CEP85L: variants seen among roughly 807,000 people sequenced by gnomAD.
CEP85L encodes the protein centrosomal protein 85L, also known as centrosomal protein of 85 kDa-like.
In CEP85L, 60 loss-of-function variants were observed where a neutral mutation model predicts 100.3. The observed-to-expected ratio is 0.60, with a 90% CI of 0.49 to 0.74. The LOEUF is 0.74. Among genes scored for constraint, CEP85L ranks in the 30% least tolerant of loss-of-function variants. The pLI, the probability that CEP85L is intolerant of heterozygous loss-of-function variation, is 0.00. For missense variants in CEP85L, 973 were observed against 936.2 expected (o/e 1.04, Z -0.51); for synonymous variants, 319 against 322.7 (o/e 0.99, Z 0.12).
chr6:118,550,071 GA>G (rs1778451497), intron 3 of CEP85L, among the ~76,000 whole-genome samples: 1 of 151,722 alleles, frequency 6.6e-6, no homozygotes, highest in South Asian at 2.1e-4. Context: ...AAATCAAATG[GA>G]AAAAATATGA....
At chr6:118,540,515 G>A (rs1040497186) in intron 3 of CEP85L, among the ~76,000 whole-genome samples, 1 of 152,082 alleles carries the variant, frequency 6.6e-6, no homozygotes, top group Non-Finnish European at 1.5e-5. Context: ...CCAGCACTTT[G>A]GGAGGCCAAG....
intron 1 of CEP85L, among the ~76,000 whole-genome samples, chr6:118,674,576 T>C (rs1776421965): frequency 6.7e-6 from 1 of 149,122 alleles, no homozygotes; most frequent in Non-Finnish European, 1.5e-5. Flanking sequence ...TATTTGCAAA[T>C]CAAATAACTG....
intron 2 of CEP85L, among the ~76,000 whole-genome samples, chr6:118,569,410 T>C (rs181099655): frequency 3.4e-5 from 5 of 146,160 alleles, no homozygotes; most frequent in Admixed American, 3.4e-4. Flanking sequence ...TGTATACATA[T>C]GTAACAAACC....
chr6:118,628,066 A>G (rs1181337531), intron 2 of CEP85L, among the ~76,000 whole-genome samples: 1 of 152,074 alleles, frequency 6.6e-6, no homozygotes, highest in Non-Finnish European at 1.5e-5. Context: ...CCCTCCCCAC[A>G]CACCTTACCA....
chr6:118,655,890 A>G (rs1174312453), upstream of CEP85L, among the ~76,000 whole-genome samples: 1 of 152,242 alleles, frequency 6.6e-6, no homozygotes, highest in Non-Finnish European at 1.5e-5. Context: ...TGGGGAAAAA[A>G]GACCAAAGAG....
chr6:118,565,869 T>G lies in CEP85L; in HGVS notation c.680A>C (p.Asp227Ala). The G allele has an allele frequency of 6.2e-7, 1 of 1,614,100 alleles. No individual in the cohort carries two copies. Among genetic ancestry groups the G allele is most frequent in the Non-Finnish European group, 8.5e-7 (1 of 1,180,010 alleles). ...ACAGCTCTCAAATTTATACTTGCAG[T>G]CCAGAGTTGATGACCGTTTTTTATT... The part of the protein sequence containing the change: ...EINKKRSSTL[D>A]CKYKFESCSK... Residue 227 changes from aspartate to alanine, a missense_variant, in exon 3 of 13, where the codon GAC (aspartate) becomes GCC (alanine). Asp to Ala is a moderately radical substitution (Grantham distance 126). Coordinates refer to ENST00000368491, the MANE Select transcript of CEP85L (RefSeq NM_001042475.3).
rs145664639 is a variant in CEP85L at position 118,597,135 on chromosome 6, G to A, written c.233-30819C>T. Among the ~76,000 whole-genome samples the A allele has an allele frequency of 2.6e-3, 395 of 152,204 alleles. 1 individual carries two copies. The highest frequency in any genetic ancestry group is 9.2e-3 in the African/African-American group (382 of 41,514). On this transcript the variant is annotated intron_variant, in intron 2 of 12. Transcript: ENST00000368491. ...TCCCCCATGATTCTAAGTTTCCTAA[G>A]GCCTCCCCAGCCATGTGGAACTCTG...
intron 6 of CEP85L, among the ~76,000 whole-genome samples, chr6:118,487,648 C>T (rs1774278095): frequency 6.6e-6 from 1 of 152,204 alleles, no homozygotes; most frequent in East Asian, 1.9e-4. Context: ...TTGGATCACA[C>T]ATCCAACACC....
chr6:118,501,865 G>C (rs1775327428), intron 5 of CEP85L: 1 of 1,295,968 alleles, frequency 7.7e-7, no homozygotes, highest in Admixed American at 2.0e-5. Context: ...AAGCCTTCAA[G>C]AGTCCCAGCA....
chr6:118,567,590 G>A (rs72952787), intron 2 of CEP85L, among the ~76,000 whole-genome samples: 6,500 of 152,048 alleles, frequency 0.043, 193 homozygotes, highest in Non-Finnish European at 0.064. Flanking sequence ...TCTAGAAAGG[G>A]GGTAGCAATT....
chr6:118,506,697 T>C (rs1024589060), intron 5 of CEP85L, among the ~76,000 whole-genome samples: 13 of 152,296 alleles, frequency 8.5e-5, no homozygotes, highest in African/African-American at 1.4e-4. Context: ...ATTTGCACCA[T>C]AGAAATGTGT....
upstream of CEP85L, chr6:118,652,865 T>G (rs2115392174): frequency 1.3e-6 from 1 of 746,252 alleles, no homozygotes; most frequent in Non-Finnish European, 2.2e-6. Context: ...TCCTTTTTAT[T>G]ATTTTAATGT....
intron 2 of CEP85L, among the ~76,000 whole-genome samples, chr6:118,597,090 C>T (rs1303826276): frequency 6.6e-6 from 1 of 152,118 alleles, no homozygotes; most frequent in African/African-American, 2.4e-5. Context: ...TCTCTCCTGA[C>T]ACCCTGTTAA....
At chr6:118,594,115 T>C (rs1781339474) in intron 2 of CEP85L, among the ~76,000 whole-genome samples, 1 of 152,208 alleles carries the variant, frequency 6.6e-6, no homozygotes, top group South Asian at 2.1e-4. Context: ...AGACTTCATA[T>C]ATACAATGAT....
intron 2 of CEP85L, among the ~76,000 whole-genome samples, chr6:118,575,208 G>C (rs1376062460): frequency 1.3e-5 from 2 of 152,134 alleles, no homozygotes; most frequent in African/African-American, 2.4e-5. Flanking sequence ...GGAAAAGACA[G>C]ACAATATAAT....
intron 2 of CEP85L, among the ~76,000 whole-genome samples, chr6:118,626,573 C>T (rs185006621): frequency 6.6e-6 from 1 of 152,292 alleles, no homozygotes; most frequent in Non-Finnish European, 1.5e-5. Flanking sequence ...CTGTAACATT[C>T]TTCCCGCCTC....
intron 2 of CEP85L, among the ~76,000 whole-genome samples, chr6:118,572,944 A>G (rs1179118775): frequency 6.6e-6 from 1 of 151,026 alleles, no homozygotes; most frequent in Non-Finnish European, 1.5e-5. Flanking sequence ...CGCCTCTAAT[A>G]CCAGCTACTC....
rs541457008 is a variant in CEP85L, at chr6:118,588,154, CT to C, written c.233-21839del. Among the ~76,000 whole-genome samples, 622 of 152,344 alleles carry C rather than the reference CT, an allele frequency of 4.1e-3. 6 individuals carry two copies. The highest frequency in any genetic ancestry group is 4.9e-3 in the Non-Finnish European group (332 of 68,030). On this transcript the variant is annotated intron_variant, in intron 2 of 12. Coordinates refer to ENST00000368491, the MANE Select transcript of CEP85L (RefSeq NM_001042475.3). ...TTCTGAATACATCGGACAAAGGGAT[CT>C]ATCATTTCTATGCCCTCATATGGAG... is the stretch of plus-strand genomic sequence containing the variant.
At chr6:118,513,606 GAAA>G (rs1253404161) in intron 4 of CEP85L, among the ~76,000 whole-genome samples, 2 of 151,874 alleles carry the variant, frequency 1.3e-5, no homozygotes, top group Non-Finnish European at 1.5e-5. Context: ...GAAAAAATTT[GAAA>G]ACAACACAAA....
Sources: gnomAD v4.1 joint callset for allele counts (sites outside exome capture counted in the v4.1 genomes callset) on GRCh38, gnomAD v4.1.1 for gene constraint, MANE v1.5 for transcripts, NCBI Gene and HGNC (gene_info 2026-07-23, HGNC 2026-07-21) for gene names.